The following ZBED4 variants were observed in gnomAD, a reference collection of about 807,000 sequenced individuals.
ZBED4 encodes zinc finger BED-type containing 4.
In ZBED4, 4 loss-of-function variants were observed where a neutral mutation model predicts 15.5. The ratio of observed to expected loss-of-function variants is 0.26; its 90% confidence interval spans 0.13 to 0.59. ZBED4 has a LOEUF of 0.59. Ranked by LOEUF, ZBED4 falls within the 20% of genes least tolerant of loss-of-function variation. The pLI is 0.90. For missense variants in ZBED4, 1,323 were observed against 1,461.8 expected, an observed-to-expected ratio of 0.91 and a Z score of 1.55; for synonymous variants, 692 against 608.5, an observed-to-expected ratio of 1.14 and a Z score of -2.02.
At chr22:49,872,134 A>T (rs747909379) in intron 1 of ZBED4, among the ~76,000 whole-genome samples, 2 of 152,240 alleles carry the variant, frequency 1.3e-5, no homozygotes, top group Non-Finnish European at 2.9e-5. Flanking sequence ...TACCCACAGT[A>T]GAACTTCTTT....
In ZBED4 at chr22:49,884,192, C is replaced by G. The variant is rs1371536545; in HGVS notation, c.530C>G (p.Ser177Cys). The G allele has an allele frequency of 6.2e-7, 1 of 1,608,258 alleles. No individual in the cohort carries two copies. Among genetic ancestry groups the G allele is most frequent in the Non-Finnish European group, 8.5e-7 (1 of 1,176,372 alleles). The change falls in exon 2 of 2, where the codon TCT becomes TGT. Residue 177 changes from serine (S) to cysteine (C), a missense_variant. By Grantham distance (112) the Ser-to-Cys change is moderately radical. Transcript: ENST00000216268. ...CTCATTCAGGAAAATGGCAGTGTGT[C>G]TGCCGTGTCCTCGTTCCCCTCTCCC... ...TVLIQENGSV[S>C]AVSSFPSPSL... is the part of the protein sequence containing the mutation.
chr22:49,887,314 C>T lies in ZBED4; in HGVS notation c.*136C>T. On this transcript the variant is annotated 3_prime_UTR_variant, in exon 2 of 2. Coordinates refer to ENST00000216268, the MANE Select transcript of ZBED4 (RefSeq NM_014838.3). ...CTCTCAGGGCCGCTCTCCAGCTCAC[C>T]ACAGTGTCTCCACGTGCCTTACCCC... 1.1e-6 allele frequency: 1 copy of T among 930,074 alleles called. No individual in the cohort carries two copies. The highest frequency in any genetic ancestry group is 1.7e-5 in the African/African-American group (1 of 59,780). 57.6% of individuals were successfully genotyped at this position (930,074 alleles called of 1,614,324 possible). A position where few individuals can be genotyped will look rare whatever the true frequency, so the allele number is the denominator to read the frequency against.
intron 1 of ZBED4, among the ~76,000 whole-genome samples, chr22:49,856,032 C>T (rs1310004817): frequency 1.3e-5 from 2 of 152,216 alleles, no homozygotes; most frequent in African/African-American, 4.8e-5. Flanking sequence ...TTCAAGGATT[C>T]GGGCCTCTCT....
chr22:49,884,740 C>A lies in ZBED4; in HGVS notation c.1078C>A (p.Pro360Thr). The A allele has an allele frequency of 6.3e-7, 1 of 1,593,470 alleles. No individual in the cohort carries two copies. Among genetic ancestry groups the A allele is most frequent in the Non-Finnish European group, 8.6e-7 (1 of 1,167,510 alleles). The change falls in exon 2 of 2, where the codon CCT becomes ACT. Residue 360 changes from proline to threonine, a missense_variant. Pro to Thr is a conservative substitution (Grantham distance 38). This residue lies in a region of ZBED4 where 429 missense variants were observed against 397.9 expected (regional missense o/e 1.08). Transcript: ENST00000216268. ...PLYSTPPTLL[P>T]SLLPPEGELS... ...GTACTCCACCCCTCCCACTCTGCTG[C>A]CTTCCTTGCTGCCGCCGGAGGGGGA... is the stretch of plus-strand genomic sequence containing the variant.
chr22:49,889,470 T>G lies in ZBED4; in HGVS notation c.*2292T>G, dbSNP rs2060457091. ...TAGCCTGCCTTTATGGGGTTTTTTT[T>G]GTTTGTTTTTTTAAGCTTTCAGCTT... On this transcript the variant is annotated 3_prime_UTR_variant, in exon 2 of 2. Transcript: ENST00000216268. 1 of 167,142 alleles carries G rather than the reference T, an allele frequency of 6.0e-6. No homozygotes were observed. The highest frequency in any genetic ancestry group is 1.9e-4 in the East Asian group (1 of 5,274). The allele number at this position is 167,142 out of a possible 1,614,324, so 10.4% of individuals were successfully genotyped here.
rs1342635446 is a variant in ZBED4 at position 49,883,645 on chromosome 22, G to T, written c.-18G>T. 9.1e-6 allele frequency: 14 copies of T among 1,533,628 alleles called. No homozygotes were observed. Among genetic ancestry groups the T allele is most frequent in the East Asian group, 4.5e-5 (2 of 43,996 alleles). ...GTTTTATGAACCTAAGATACAGCCG[G>T]AGTAGTTATGGTCAGTCATGGAGAA... On this transcript the variant is annotated 5_prime_UTR_variant, in exon 2 of 2. Transcript: ENST00000216268.
chr22:49,861,380 G>T (rs1387624635), intron 1 of ZBED4, among the ~76,000 whole-genome samples: 1 of 152,142 alleles, frequency 6.6e-6, no homozygotes, highest in Non-Finnish European at 1.5e-5. Context: ...GGCTGCAAAT[G>T]ATCTGCCTGC....
In ZBED4 at chr22:49,888,901, G is replaced by A. The variant is rs1257137016; in HGVS notation, c.*1723G>A. The A allele has an allele frequency of 6.0e-6, 1 of 167,250 alleles. No individual in the cohort carries two copies. Among genetic ancestry groups the A allele is most frequent in the Non-Finnish European group, 1.5e-5 (1 of 68,128 alleles). 10.4% of individuals were successfully genotyped at this position (167,250 alleles called of 1,614,324 possible). A position where few individuals can be genotyped will look rare whatever the true frequency, so the allele number is the denominator to read the frequency against. On this transcript the variant is annotated 3_prime_UTR_variant, in exon 2 of 2. Coordinates refer to ENST00000216268, the MANE Select transcript of ZBED4 (RefSeq NM_014838.3). ...CCAGTGTCATCCTGGTGTAGAAAGG[G>A]TTGCGCACAGGATAGGAGGGAGCCA... is the stretch of plus-strand genomic sequence containing the variant.
chr22:49,856,527 G>A (rs143666017), intron 1 of ZBED4, among the ~76,000 whole-genome samples: 182 of 152,322 alleles, frequency 1.2e-3, no homozygotes, highest in African/African-American at 4.2e-3. Flanking sequence ...ATCCCAGTGC[G>A]TACCTCCTGC....
At chr22:49,881,567 C>T (rs2060409904) in intron 1 of ZBED4, among the ~76,000 whole-genome samples, 1 of 152,152 alleles carries the variant, frequency 6.6e-6, no homozygotes, top group Non-Finnish European at 1.5e-5. Context: ...TTTGTAAAGA[C>T]AGAGTTTCAC....
At position 49,884,724 on chromosome 22, in the gene ZBED4, C is replaced by A. The variant is rs1383682132; in HGVS notation, c.1062C>A (p.Thr354=). Residue 354 remains threonine (T), a synonymous_variant, in exon 2 of 2, where the codon ACC becomes ACA. Coordinates refer to ENST00000216268, the MANE Select transcript of ZBED4 (RefSeq NM_014838.3). ...GGTGIPPLYS[T]PPTLLPSLLP... Reference sequence around the variant, plus strand: ...CGGGCATCCCGCCACTGTACTCCACCCCTCCCACTCTGCTGCCTTCCTTGC... The same window carrying A: ...CGGGCATCCCGCCACTGTACTCCACACCTCCCACTCTGCTGCCTTCCTTGC... 1 of 1,593,606 alleles carries A rather than the reference C, an allele frequency of 6.3e-7. No homozygotes were observed. The highest frequency in any genetic ancestry group is 8.6e-7 in the Non-Finnish European group (1 of 1,168,126).
chr22:49,871,449 CTCCAGCCTGGGCGACAGAGTGAG>C (rs2060346979), intron 1 of ZBED4, among the ~76,000 whole-genome samples: 1 of 152,004 alleles, frequency 6.6e-6, no homozygotes, highest in South Asian at 2.1e-4. Flanking sequence ...TGCCACTGCA[CTCCAGCCTGGGCGACAGAGTGAG>C]ACTCTGTCTC....
intron 1 of ZBED4, among the ~76,000 whole-genome samples, chr22:49,854,261 G>A (rs2060265340): frequency 1.3e-5 from 2 of 149,792 alleles, no homozygotes; most frequent in East Asian, 2.0e-4. Flanking sequence ...CCTGGCCCAC[G>A]TGCCCGCGCC....
At chr22:49,877,535 C>T (rs1003562497) in intron 1 of ZBED4, among the ~76,000 whole-genome samples, 1 of 152,114 alleles carries the variant, frequency 6.6e-6, no homozygotes, top group Non-Finnish European at 1.5e-5. Flanking sequence ...CGTGTGATCC[C>T]TCCCACCTTG....
chr22:49,872,129 A>T (rs2319464), intron 1 of ZBED4, among the ~76,000 whole-genome samples: 1 of 151,656 alleles, frequency 6.6e-6, no homozygotes, highest in African/African-American at 2.4e-5. Flanking sequence ...CATTTTACCC[A>T]CAGTAGAACT....
intron 1 of ZBED4, among the ~76,000 whole-genome samples, chr22:49,878,444 T>C (rs1430725896): frequency 6.6e-6 from 1 of 150,710 alleles, no homozygotes; most frequent in African/African-American, 2.4e-5. Flanking sequence ...AATCCAGAAA[T>C]AGATCCACAC....
rs1446509858 is a variant in ZBED4, at chr22:49,884,793, A to T, written c.1131A>T (p.Val377=). The change falls in exon 2 of 2, where the codon GTA becomes GTT. Residue 377 remains valine (V), a synonymous_variant. Coordinates refer to ENST00000216268, the MANE Select transcript of ZBED4 (RefSeq NM_014838.3). The stretch of plus-strand genomic sequence containing the variant: ...TCAGCTCTGTGTCCTCGTCTCCAGT[A>T]AAGCCGGTCAGAGAGTCCCCTTCGG... ...GELSSVSSSP[V]KPVRESPSAS... 1 of 1,609,088 alleles carries T rather than the reference A, an allele frequency of 6.2e-7. No individual in the cohort carries two copies. Among genetic ancestry groups the T allele is most frequent in the Admixed American group, 1.7e-5 (1 of 59,786 alleles).
chr22:49,880,020 T>C (rs1223478447), intron 1 of ZBED4, among the ~76,000 whole-genome samples: 1 of 151,952 alleles, frequency 6.6e-6, no homozygotes, highest in Non-Finnish European at 1.5e-5. Flanking sequence ...TCAGCCATTT[T>C]GTATTTTACT....
In ZBED4 at chr22:49,883,601, A is replaced by C. The variant is rs1419223510; in HGVS notation, c.-62A>C. 29 of 1,466,786 alleles carry C rather than the reference A, an allele frequency of 2.0e-5. No homozygotes were observed. The highest frequency in any genetic ancestry group is 2.6e-5 in the Non-Finnish European group (29 of 1,103,312). The allele number at this position is 1,466,786 out of a possible 1,614,324, so 90.9% of individuals were successfully genotyped here. On this transcript the variant is annotated 5_prime_UTR_variant, in exon 2 of 2. Coordinates refer to ENST00000216268, the MANE Select transcript of ZBED4 (RefSeq NM_014838.3). The stretch of plus-strand genomic sequence containing the variant: ...AAGATAATCTACATTCGGGGGCACA[A>C]ATGAGCACTTGGATCAGTGTTTTAT...
Sources: allele counts gnomAD v4.1 joint callset (sites outside exome capture counted in the v4.1 genomes callset), GRCh38; gene constraint gnomAD v4.1.1; regional missense constraint gnomAD v4.1.1; transcripts MANE v1.5; gene names NCBI Gene and HGNC (gene_info 2026-07-23, HGNC 2026-07-21).